The following IFT43 variants were observed in gnomAD, a reference collection of about 807,000 sequenced individuals.
IFT43 encodes the protein intraflagellar transport protein 43 homolog.
Under a neutral mutation model 32.3 loss-of-function variants are expected in IFT43, and 33 were observed. The ratio of observed to expected loss-of-function variants is 1.02; its 90% CI spans 0.77 to 1.37. IFT43 has a LOEUF of 1.37. Ranked by LOEUF, IFT43 falls within the 40% of genes most tolerant of loss-of-function variation. The pLI is 0.00. For missense variants in IFT43, 274 were observed against 265.9 expected, an observed-to-expected ratio of 1.03 and a Z score of -0.21; for synonymous variants, 93 against 98.2, an observed-to-expected ratio of 0.95 and a Z score of 0.31.
At chr14:75,992,284 G>A (rs539846465) in intron 2 of IFT43, among the ~76,000 whole-genome samples, 1 of 152,192 alleles carries the variant, frequency 6.6e-6, no homozygotes, top group Non-Finnish European at 1.5e-5. Context: ...AATAGTGATA[G>A]TAATACCACC....
At chr14:76,057,274 T>C (rs7155353) in intron 3 of IFT43, among the ~76,000 whole-genome samples, 53,248 of 151,914 alleles carry the variant, frequency 0.35, 9,445 homozygotes, top group African/African-American at 0.4. Flanking sequence ...ACTCTGTTGC[T>C]AGGCTGGAGT....
chr14:75,991,546 A>G (rs972716318), intron 2 of IFT43, among the ~76,000 whole-genome samples: 1 of 151,956 alleles, frequency 6.6e-6, no homozygotes, highest in Non-Finnish European at 1.5e-5. Flanking sequence ...TATGACCCCC[A>G]TACCAAATCA....
intron 2 of IFT43, among the ~76,000 whole-genome samples, chr14:76,022,027 G>A (rs1054456581): frequency 2.0e-5 from 3 of 152,206 alleles, no homozygotes; most frequent in Non-Finnish European, 2.9e-5. Context: ...CAGGTGGGCG[G>A]ATCACTTGAG....
rs1017651463 is a variant in IFT43, at chr14:76,082,195, C to T, written c.296-100C>T. On this transcript the variant is annotated intron_variant, in intron 5 of 8. Transcript: ENST00000314067. ...TGTCCTTCCTGCCCCAGCCCACAGCCCCATGGCTGGTGTGTTGAAGGGGAA... is the reference window on the plus strand; with the variant it reads ...TGTCCTTCCTGCCCCAGCCCACAGCTCCATGGCTGGTGTGTTGAAGGGGAA... 2.2e-5 allele frequency: 24 copies of T among 1,071,188 alleles called. No individual in the cohort carries two copies. The African/African-American group carries it at 3.4e-4, about 15-fold the overall frequency. 66.4% of individuals were successfully genotyped at this position (1,071,188 alleles called of 1,614,324 possible).
chr14:76,013,514 G>A (rs564379014), intron 2 of IFT43, among the ~76,000 whole-genome samples: 25 of 152,336 alleles, frequency 1.6e-4, no homozygotes, highest in African/African-American at 6.0e-4. Context: ...ATTGCCCTGG[G>A]GAGACAGCCG....
At position 76,082,298 on chromosome 14, in the gene IFT43, T is replaced by C. The variant is rs764886385; in HGVS notation, c.299T>C (p.Ile100Thr). Residue 100 changes from isoleucine to threonine, a missense_variant, in exon 6 of 9, where the codon ATT (isoleucine) becomes ACT (threonine). Transcript: ENST00000314067. ...SLNGSDYGGD[I>T]PIIPDLEEVQ... ...TTGCCTCTGCCTCTCCTTGCAGATA[T>C]TCCTATCATTCCGGATCTGGAGGAA... 9.3e-6 allele frequency: 15 copies of C among 1,613,906 alleles called. No individual in the cohort carries two copies. Among genetic ancestry groups the C allele is most frequent in the East Asian group, 4.5e-5 (2 of 44,902 alleles).
chr14:76,076,776 G>T (rs2037420953), intron 5 of IFT43: 1 of 1,474,664 alleles, frequency 6.8e-7, no homozygotes, highest in Non-Finnish European at 9.4e-7. Flanking sequence ...GTGTGCGCAT[G>T]TGATGATATT....
intron 3 of IFT43, chr14:76,022,695 C>T (rs993885224): frequency 2.3e-4 from 53 of 229,396 alleles, no homozygotes; most frequent in Middle Eastern, 2.8e-3. Flanking sequence ...TACCAGTCAA[C>T]TTTCTCTCTC....
intron 5 of IFT43, among the ~76,000 whole-genome samples, chr14:76,079,946 G>T (rs1208331109): frequency 6.6e-6 from 1 of 151,944 alleles, no homozygotes; most frequent in East Asian, 1.9e-4. Context: ...GGAGTGGGGA[G>T]GGGGGAAGGA....
intron 3 of IFT43, among the ~76,000 whole-genome samples, chr14:76,049,687 C>T (rs1268068709): frequency 6.7e-6 from 1 of 150,082 alleles, no homozygotes; most frequent in Non-Finnish European, 1.5e-5. Flanking sequence ...TGCTTCTCCC[C>T]ACCCCCAACC....
chr14:76,082,652 T>G lies in IFT43; in HGVS notation c.404T>G (p.Leu135Arg), dbSNP rs779359465. ...AAGCGGGTGATGACCTACCGTGACC[T>G]GGACAATGACCTCATGAAGTACTCA... ...QIKRVMTYRD[L>R]DNDLMKYSAI... The change falls in exon 7 of 9, where the codon CTG becomes CGG. Residue 135 changes from leucine (L) to arginine (R), a missense_variant. Coordinates refer to ENST00000314067, the MANE Select transcript of IFT43 (RefSeq NM_001102564.3). 6.2e-7 allele frequency: 1 copy of G among 1,614,054 alleles called. No individual in the cohort carries two copies. The highest frequency in any genetic ancestry group is 8.5e-7 in the Non-Finnish European group (1 of 1,179,914).
At chr14:76,062,317 G>A (rs963817385) in intron 5 of IFT43, among the ~76,000 whole-genome samples, 2 of 151,960 alleles carry the variant, frequency 1.3e-5, no homozygotes, top group African/African-American at 4.8e-5. Flanking sequence ...TGATCCGCCT[G>A]CCTCAGCCTC....
intron 2 of IFT43, among the ~76,000 whole-genome samples, chr14:75,998,135 G>A (rs188090870): frequency 1.3e-5 from 2 of 152,072 alleles, no homozygotes; most frequent in African/African-American, 4.8e-5. Flanking sequence ...ATCACAGTTT[G>A]TAATCATATG....
At chr14:76,000,508 A>G (rs1021721282) in intron 2 of IFT43, among the ~76,000 whole-genome samples, 40 of 151,410 alleles carry the variant, frequency 2.6e-4, no homozygotes, top group African/African-American at 9.7e-4. Context: ...TCCTGACCTC[A>G]TGATCCTCCC....
chr14:76,001,303 A>G (rs992510017), intron 2 of IFT43, among the ~76,000 whole-genome samples: 2 of 152,240 alleles, frequency 1.3e-5, no homozygotes, highest in South Asian at 2.1e-4. Flanking sequence ...AAAAAAAGTC[A>G]TAGCTGAGTT....
intron 3 of IFT43, among the ~76,000 whole-genome samples, chr14:76,031,313 A>C (rs2036506363): frequency 6.6e-6 from 1 of 152,162 alleles, no homozygotes; most frequent in African/African-American, 2.4e-5. Flanking sequence ...ACTTATTTAA[A>C]AATCCATCTT....
At chr14:76,060,790 C>T (rs2140056429) in intron 5 of IFT43, among the ~76,000 whole-genome samples, 1 of 151,352 alleles carries the variant, frequency 6.6e-6, no homozygotes. Flanking sequence ...TGTCTTTGGC[C>T]TTCTTTCTTT....
chr14:76,021,834 G>A (rs552210047), intron 2 of IFT43, among the ~76,000 whole-genome samples: 5 of 152,310 alleles, frequency 3.3e-5, no homozygotes, highest in Admixed American at 6.5e-5. Flanking sequence ...ATGACTCACC[G>A]GGAGGGTATG....
chr14:75,988,368 C>G (rs973549748), intron 1 of IFT43, among the ~76,000 whole-genome samples: 1 of 152,136 alleles, frequency 6.6e-6, no homozygotes, highest in Non-Finnish European at 1.5e-5. Flanking sequence ...TCTTAATTTC[C>G]TATTTTCCTA....
Sources: gnomAD v4.1 joint callset for allele counts (sites outside exome capture counted in the v4.1 genomes callset) on GRCh38, gnomAD v4.1.1 for gene constraint, MANE v1.5 for transcripts, NCBI Gene and HGNC (gene_info 2026-07-23, HGNC 2026-07-21) for gene names.